Variants in KIRREL3 observed in about 807,000 individuals in gnomAD.
KIRREL3 encodes the protein kirre like nephrin family adhesion molecule 3, also known as kin of IRRE-like protein 3.
Under a neutral mutation model 89.7 loss-of-function variants are expected in KIRREL3, and 36 were observed. That is an observed-to-expected ratio of 0.40 (90% confidence interval 0.31 to 0.53). The LOEUF (loss-of-function observed/expected upper bound fraction) is 0.53. Among genes scored for constraint, KIRREL3 ranks in the 20% least tolerant of loss-of-function variants. KIRREL3 has a pLI of 0.49. For missense variants in KIRREL3, 864 were observed against 1,056.6 expected (o/e 0.82, Z 2.53); for synonymous variants, 445 against 441.4 (o/e 1.01, Z -0.10).
intron 1 of KIRREL3, among the ~76,000 whole-genome samples, chr11:126,863,391 G>A (rs1208970001): frequency 5.9e-5 from 3 of 51,002 alleles, no homozygotes; most frequent in Non-Finnish European, 1.1e-4. Flanking sequence ...GTTTGAGTGC[G>A]TGTGTGAGTG....
rs1004361022 is a variant in KIRREL3 at position 126,677,151 on chromosome 11, C to T, written c.56-114239G>A. On this transcript the variant is annotated intron_variant, in intron 1 of 16. Transcript: ENST00000525144. This position sits in a 1 kb window ranked among gnomAD's most constrained non-coding sequence, Gnocchi z 5.1. ...TTAATATATTCGCAGATTTGCACAA[C>T]CACCACCACAGTCCATTTAGAACCT... 1.3e-5 allele frequency among the ~76,000 whole-genome samples: 2 copies of T among 152,042 alleles called. No individual in the cohort carries two copies. The highest frequency in any genetic ancestry group is 1.3e-4 in the Admixed American group (2 of 15,262).
In KIRREL3 at chr11:126,446,703, C is replaced by T; in HGVS notation, c.1125+56G>A. 3 of 1,539,636 alleles carry T rather than the reference C, an allele frequency of 1.9e-6. No homozygotes were observed. The South Asian group carries it at 3.6e-5, about 18-fold the overall frequency. On this transcript the variant is annotated intron_variant, in intron 9 of 16. Transcript: ENST00000525144. ...GGGCCTGGGCAGCAGTTCCTTCTTG[C>T]TCCACTGTCCCCGCCCCCTGCCAGA...
Position 126,709,296 on chromosome 11 carries a change from C to T in KIRREL3, c.56-146384G>A, listed in dbSNP as rs755130434. Among the ~76,000 whole-genome samples the T allele has an allele frequency of 5.9e-5, 9 of 152,200 alleles. No homozygotes were observed. Among genetic ancestry groups the T allele is most frequent in the Non-Finnish European group, 1.3e-4 (9 of 68,040 alleles). ...TAGTTGGCTTTATCATCTCCTCTATCCCAAGATGACCTTTGGGGTTCCAAT... is the reference window on the plus strand; with the variant it reads ...TAGTTGGCTTTATCATCTCCTCTATTCCAAGATGACCTTTGGGGTTCCAAT... On this transcript the variant is annotated intron_variant, in intron 1 of 16. Transcript: ENST00000525144. This position sits in a 1 kb window ranked among gnomAD's most constrained non-coding sequence, Gnocchi z 4.0.
rs1281904320 is a variant in KIRREL3 at position 126,996,356 on chromosome 11, G to GTTCACTCC, written c.55+4091_55+4098dup. On this transcript the variant is annotated intron_variant, in intron 1 of 16. Transcript: ENST00000525144. This position sits in a 1 kb window ranked among gnomAD's most constrained non-coding sequence, Gnocchi z 4.7. ...GAGTGTAAGTGTTTCCAAAGTTGCT[G>GTTCACTCC]TTCACTCCCCACTTTGTTTGCTGAT... Among the ~76,000 whole-genome samples, 5 of 152,134 alleles carry GTTCACTCC rather than the reference G, an allele frequency of 3.3e-5. No homozygotes were observed. Among genetic ancestry groups the GTTCACTCC allele is most frequent in the Non-Finnish European group, 7.4e-5 (5 of 68,020 alleles).
rs992347641 is a variant in KIRREL3, at chr11:126,551,054, C to T, written c.133+11781G>A. ...TAATTTGCTAGAGTGGCACGAAGACCTCAGGGAAACACTTACCTATGTTTA... is the reference window on the plus strand; with the variant it reads ...TAATTTGCTAGAGTGGCACGAAGACTTCAGGGAAACACTTACCTATGTTTA... On this transcript the variant is annotated intron_variant, in intron 2 of 16. Transcript: ENST00000525144. This position sits in a 1 kb window ranked among gnomAD's most constrained non-coding sequence, Gnocchi z 4.9. Among the ~76,000 whole-genome samples the T allele has an allele frequency of 1.3e-5, 2 of 152,140 alleles. No individual in the cohort carries two copies. The highest frequency in any genetic ancestry group is 2.4e-5 in the African/African-American group (1 of 41,432).
At chr11:126,801,888 C>T (rs1443337818) in intron 1 of KIRREL3, among the ~76,000 whole-genome samples, 1 of 152,078 alleles carries the variant, frequency 6.6e-6, no homozygotes, top group East Asian at 1.9e-4. Flanking sequence ...TGAACTCTAA[C>T]TGCACCATGG....
In KIRREL3 at chr11:126,535,574, G is replaced by GGTGTGTGT. The variant is rs60765008; in HGVS notation, c.134-8895_134-8888dup. On this transcript the variant is annotated intron_variant, in intron 2 of 16. Coordinates refer to ENST00000525144, the MANE Select transcript of KIRREL3 (RefSeq NM_032531.4). This position sits in a 1 kb window ranked among gnomAD's most constrained non-coding sequence, Gnocchi z 4.5. ...GGCAGCACTGCAGGGTGCTGGGTCG[G>GGTGTGTGT]GTGTGTGTGTGTGTGTGTGCACGTG... Among the ~76,000 whole-genome samples, 46 of 150,756 alleles carry GGTGTGTGT rather than the reference G, an allele frequency of 3.1e-4. No individual in the cohort carries two copies. Among genetic ancestry groups the GGTGTGTGT allele is most frequent in the African/African-American group, 3.4e-4 (14 of 41,010 alleles).
At chr11:126,732,082 T>A (rs1036683777) in intron 1 of KIRREL3, among the ~76,000 whole-genome samples, 1 of 152,170 alleles carries the variant, frequency 6.6e-6, no homozygotes, top group African/African-American at 2.4e-5. Flanking sequence ...GAGGGGTGTC[T>A]CATTAATCTC....
rs1478955452 is a variant in KIRREL3 at position 126,683,982 on chromosome 11, G to A, written c.56-121070C>T. Among the ~76,000 whole-genome samples the A allele has an allele frequency of 6.6e-6, 1 of 152,216 alleles. No individual in the cohort carries two copies. Among genetic ancestry groups the A allele is most frequent in the African/African-American group, 2.4e-5 (1 of 41,462 alleles). On this transcript the variant is annotated intron_variant, in intron 1 of 16. Coordinates refer to ENST00000525144, the MANE Select transcript of KIRREL3 (RefSeq NM_032531.4). This position sits in a 1 kb window ranked among gnomAD's most constrained non-coding sequence, Gnocchi z 5.2. The stretch of plus-strand genomic sequence containing the variant: ...CCCTTACAGGGTGGTGGGACCCAGG[G>A]CCCAGGGTTTGGCTCCGGGTTTTTG...
chr11:126,680,735 CAAA>C (rs397971552), intron 1 of KIRREL3, among the ~76,000 whole-genome samples: 7 of 118,316 alleles, frequency 5.9e-5, no homozygotes, highest in Non-Finnish European at 1.8e-5. Flanking sequence ...ATACTTAGAG[CAAA>C]AAAAAAAAAA....
In KIRREL3 at chr11:126,891,380, C is replaced by T. The variant is rs1258365728; in HGVS notation, c.55+109075G>A. Among the ~76,000 whole-genome samples the T allele has an allele frequency of 6.6e-6, 1 of 152,046 alleles. No individual in the cohort carries two copies. The highest frequency in any genetic ancestry group is 1.5e-5 in the Non-Finnish European group (1 of 68,016). The stretch of plus-strand genomic sequence containing the variant: ...GATATAATTTTAATTATCAGCAGCT[C>T]CACTTAAAAAAATCTTCAGCTATTG... On this transcript the variant is annotated intron_variant, in intron 1 of 16. Coordinates refer to ENST00000525144, the MANE Select transcript of KIRREL3 (RefSeq NM_032531.4). The surrounding 1 kb of genome is among the most constrained non-coding windows in gnomAD (Gnocchi z 5.1).
At position 126,521,548 on chromosome 11, in the gene KIRREL3, A is replaced by T; in HGVS notation, c.284-84T>A. Reference sequence around the variant, plus strand: ...AAAGAGGCACAGAATGGAGGACCCAAGCAGGGGCCATTCTACAAGGCTGGC... The same window carrying T: ...AAAGAGGCACAGAATGGAGGACCCATGCAGGGGCCATTCTACAAGGCTGGC... On this transcript the variant is annotated intron_variant, in intron 3 of 16. Transcript: ENST00000525144. This position sits in a 1 kb window ranked among gnomAD's most constrained non-coding sequence, Gnocchi z 4.1. The T allele has an allele frequency of 8.0e-7, 1 of 1,249,646 alleles. No individual in the cohort carries two copies. The highest frequency in any genetic ancestry group is 1.1e-6 in the Non-Finnish European group (1 of 909,732). The allele number at this position is 1,249,646 out of a possible 1,614,324, so 77.4% of individuals were successfully genotyped here.
rs542165210 is a variant in KIRREL3 at position 126,554,779 on chromosome 11, C to T, written c.133+8056G>A. Among the ~76,000 whole-genome samples the T allele has an allele frequency of 1.2e-3, 188 of 152,160 alleles. 1 individual carries two copies. The highest frequency in any genetic ancestry group is 2.1e-3 in the Non-Finnish European group (141 of 68,036). On this transcript the variant is annotated intron_variant, in intron 2 of 16. Coordinates refer to ENST00000525144, the MANE Select transcript of KIRREL3 (RefSeq NM_032531.4). ...TGCAGCCCTTAGTGAAAACAGGTGACTCAATTTTTCTCCCAATTGTTGCTT... is the reference window on the plus strand; with the variant it reads ...TGCAGCCCTTAGTGAAAACAGGTGATTCAATTTTTCTCCCAATTGTTGCTT...
At chr11:126,690,646 C>T (rs978541385) in intron 1 of KIRREL3, among the ~76,000 whole-genome samples, 1 of 152,176 alleles carries the variant, frequency 6.6e-6, no homozygotes, top group Non-Finnish European at 1.5e-5. Flanking sequence ...CAGGTGAATT[C>T]TCCAGTTGGC....
At position 126,608,140 on chromosome 11, in the gene KIRREL3, T is replaced by A. The variant is rs138086396; in HGVS notation, c.56-45228A>T. Among the ~76,000 whole-genome samples, 2 of 151,752 alleles carry A rather than the reference T, an allele frequency of 1.3e-5. No individual in the cohort carries two copies. Among genetic ancestry groups the A allele is most frequent in the East Asian group, 3.9e-4 (2 of 5,138 alleles). ...GGGCCCAGGTGGAGTCTGAGCTGGG[T>A]GCCAATTCCAGGAATGCAGCTGGAG... On this transcript the variant is annotated intron_variant, in intron 1 of 16. Coordinates refer to ENST00000525144, the MANE Select transcript of KIRREL3 (RefSeq NM_032531.4). This position sits in a 1 kb window ranked among gnomAD's most constrained non-coding sequence, Gnocchi z 4.9.
At chr11:126,800,705 A>T (rs1951004227) in intron 1 of KIRREL3, among the ~76,000 whole-genome samples, 1 of 152,194 alleles carries the variant, frequency 6.6e-6, no homozygotes, top group Non-Finnish European at 1.5e-5. Flanking sequence ...GGGAAATGCA[A>T]CACTCTATTC....
rs1444841886 is a variant in KIRREL3 at position 126,783,325 on chromosome 11, T to C, written c.55+217130A>G. Among the ~76,000 whole-genome samples the C allele has an allele frequency of 6.6e-6, 1 of 152,198 alleles. No individual in the cohort carries two copies. Among genetic ancestry groups the C allele is most frequent in the Non-Finnish European group, 1.5e-5 (1 of 68,040 alleles). On this transcript the variant is annotated intron_variant, in intron 1 of 16. Transcript: ENST00000525144. This position sits in a 1 kb window ranked among gnomAD's most constrained non-coding sequence, Gnocchi z 4.3. ...CCCTCTTCTCTTCTTATGAGGACAC[T>C]CACTGGTCACATTGGATTAAGGGCT...
At position 126,435,243 on chromosome 11, in the gene KIRREL3, C is replaced by T. The variant is rs1325789716; in HGVS notation, c.1588+25G>A. The T allele has an allele frequency of 2.5e-6, 4 of 1,613,316 alleles. No individual in the cohort carries two copies. In the Admixed American group the frequency reaches 6.7e-5, roughly 27 times the overall value. On this transcript the variant is annotated intron_variant, in intron 13 of 16. Transcript: ENST00000525144. ...GAAGTCCCTTCCCCCCTTCCCAGGG[C>T]CATTCTCATCATCTCCTTCCGTACC...
intron 1 of KIRREL3, among the ~76,000 whole-genome samples, chr11:126,720,682 T>C (rs576945748): frequency 6.6e-6 from 1 of 152,350 alleles, no homozygotes; most frequent in South Asian, 2.1e-4. Context: ...ATCATAGTTA[T>C]GTTAGGGCTG....
Sources: gnomAD v4.1 joint callset for allele counts (sites outside exome capture counted in the v4.1 genomes callset) on GRCh38, gnomAD v4.1.1 for gene constraint, Gnocchi (gnomAD v3.1) non-coding constraint, MANE v1.5 for transcripts, NCBI Gene and HGNC (gene_info 2026-07-23, HGNC 2026-07-21) for gene names.